The following CDKL4 variants were observed in gnomAD, a reference collection of about 807,000 sequenced individuals.
The protein encoded by CDKL4 is cyclin dependent kinase like 4, also known as cyclin-dependent kinase-like 4.
A neutral mutation model predicts 42.0 loss-of-function variants in CDKL4; 44 were observed. The observed-to-expected ratio is 1.05, with a 90% confidence interval of 0.82 to 1.35. The LOEUF (loss-of-function observed/expected upper bound fraction) is 1.35, where lower values mean the gene tolerates loss of function less well. CDKL4 is among the 40% of genes most tolerant of loss of function. The pLI, the probability that CDKL4 is intolerant of heterozygous loss-of-function variation, is 0.00. For synonymous variants in CDKL4, 120 were observed against 121.6 expected (o/e 0.99, Z 0.09); for missense variants, 393 against 369.9 (o/e 1.06, Z -0.51).
chr2:39,202,860 C>G (rs1458960799), intron 5 of CDKL4, among the ~76,000 whole-genome samples: 2 of 152,158 alleles, frequency 1.3e-5, no homozygotes, highest in Non-Finnish European at 2.9e-5. Context: ...AACAATGACC[C>G]CAGCAATGAC....
At chr2:39,244,912 G>C (rs930292161), upstream of CDKL4, among the ~76,000 whole-genome samples, 13 of 152,088 alleles carry the variant, frequency 8.5e-5, no homozygotes, top group African/African-American at 3.1e-4. Context: ...CTCTGGTGGG[G>C]CCTTGGAGAA....
chr2:39,176,481 C>A (rs1259388323), intron 9 of CDKL4, among the ~76,000 whole-genome samples: 1 of 152,210 alleles, frequency 6.6e-6, no homozygotes, highest in African/African-American at 2.4e-5. Flanking sequence ...GTTGCCCAGG[C>A]TGGAGTGCAA....
chr2:39,186,093 C>T (rs1029929716), intron 7 of CDKL4, among the ~76,000 whole-genome samples: 1 of 152,142 alleles, frequency 6.6e-6, no homozygotes, highest in African/African-American at 2.4e-5. Flanking sequence ...TGGTGGGAAA[C>T]TTAAGACACT....
intron 1 of CDKL4, among the ~76,000 whole-genome samples, chr2:39,237,810 G>A (rs1009091834): frequency 9.2e-5 from 14 of 152,134 alleles, no homozygotes; most frequent in Admixed American, 2.6e-4. Context: ...ACAGAAAATC[G>A]TAATGAATCT....
chr2:39,240,781 G>A (rs537431849), intron 1 of CDKL4, among the ~76,000 whole-genome samples: 7 of 151,922 alleles, frequency 4.6e-5, no homozygotes, highest in Non-Finnish European at 1.0e-4. Flanking sequence ...TTCCATTACA[G>A]GAAATTTCTA....
chr2:39,208,046 G>C (rs1677315083), intron 4 of CDKL4, among the ~76,000 whole-genome samples: 1 of 152,114 alleles, frequency 6.6e-6, no homozygotes, highest in South Asian at 2.1e-4. Context: ...AGGTTGCAGT[G>C]AGCTGTAGTT....
chr2:39,244,200 G>A (rs1015222505), upstream of CDKL4, among the ~76,000 whole-genome samples: 12 of 152,226 alleles, frequency 7.9e-5, no homozygotes, highest in African/African-American at 2.9e-4. Context: ...TCAGCCCACC[G>A]CTGCACTGTG....
chr2:39,243,737 G>A (rs1405281317), intron 1 of CDKL4, among the ~76,000 whole-genome samples, 134 bp downstream of exon 1: 1 of 152,228 alleles, frequency 6.6e-6, no homozygotes, highest in Non-Finnish European at 1.5e-5. Context: ...GAAGCGGAAG[G>A]CGGTCCCGCT....
At chr2:39,171,154 G>A (rs977856307), downstream of CDKL4, among the ~76,000 whole-genome samples, 14 of 151,710 alleles carry the variant, frequency 9.2e-5, no homozygotes, top group African/African-American at 2.4e-4. Flanking sequence ...CAGGAGGATC[G>A]CTTGAACATG....
chr2:39,181,557 G>A (rs1428737565), intron 8 of CDKL4, among the ~76,000 whole-genome samples: 1 of 148,256 alleles, frequency 6.7e-6, no homozygotes, highest in African/African-American at 2.7e-5. Context: ...GTATGTTGAA[G>A]TTCTAACTCC....
chr2:39,180,377 C>A (rs1273044345), intron 8 of CDKL4, among the ~76,000 whole-genome samples: 1 of 152,244 alleles, frequency 6.6e-6, no homozygotes, highest in Non-Finnish European at 1.5e-5. Flanking sequence ...GAGGCTGCCC[C>A]AGCCGGGCAC....
chr2:39,225,535 T>C (rs1558579538), intron 3 of CDKL4, among the ~76,000 whole-genome samples: 1 of 152,228 alleles, frequency 6.6e-6, no homozygotes, highest in Non-Finnish European at 1.5e-5. Context: ...TATTAGTGAA[T>C]TATATGAATA....
At chr2:39,170,835 A>T (rs554963509), downstream of CDKL4, among the ~76,000 whole-genome samples, 34 of 151,884 alleles carry the variant, frequency 2.2e-4, no homozygotes, top group Middle Eastern at 3.4e-3. Context: ...TTAAAAAAAA[A>T]TTTTTTTTTG....
At chr2:39,173,586 G>A (rs1675057469), downstream of CDKL4, among the ~76,000 whole-genome samples, 1 of 152,144 alleles carries the variant, frequency 6.6e-6, no homozygotes, top group Admixed American at 6.5e-5. Flanking sequence ...GAGATGGGCG[G>A]ATCACGAGGT....
intron 4 of CDKL4, among the ~76,000 whole-genome samples, chr2:39,209,973 G>T (rs893726391): frequency 1.3e-5 from 2 of 152,118 alleles, no homozygotes; most frequent in Admixed American, 1.3e-4. Flanking sequence ...CATCTTGGAG[G>T]AGGGAAGTTA....
chr2:39,181,194 G>C (rs1175703983), intron 8 of CDKL4, among the ~76,000 whole-genome samples: 1 of 152,072 alleles, frequency 6.6e-6, no homozygotes, highest in Non-Finnish European at 1.5e-5. Flanking sequence ...TTGAAACTTT[G>C]TTTCTCTTTG....
intron 3 of CDKL4, among the ~76,000 whole-genome samples, chr2:39,225,508 C>A (rs756196564): frequency 6.6e-6 from 1 of 151,786 alleles, no homozygotes; most frequent in South Asian, 2.1e-4. Flanking sequence ...ATTTATCAAT[C>A]GTACATTTTT....
rs1678976732 is a variant in CDKL4, at chr2:39,229,724, T to C, written c.-56-136A>G. ...GGAAATCCACTTAAAAATATTTGGA[T>C]ATTATTTTGTTAGTTTAGTTTAGTC... On this transcript the variant is annotated intron_variant, in intron 1 of 9. Coordinates refer to ENST00000451199, the Ensembl canonical transcript of CDKL4. 22 of 452,414 alleles carry C rather than the reference T, an allele frequency of 4.9e-5. No individual in the cohort carries two copies. In the South Asian group the frequency reaches 1.0e-3, roughly 21 times the overall value. The allele number at this position is 452,414 out of a possible 1,614,324, so 28.0% of individuals were successfully genotyped here. A position where few individuals can be genotyped will look rare whatever the true frequency, so the allele number is the denominator to read the frequency against.
chr2:39,206,580 G>T (rs777657314), intron 4 of CDKL4, among the ~76,000 whole-genome samples: 3 of 152,186 alleles, frequency 2.0e-5, no homozygotes, highest in Non-Finnish European at 4.4e-5. Context: ...AAACAGCTCA[G>T]ACCGTACCCT....
Sources: allele counts gnomAD v4.1 joint callset (sites outside exome capture counted in the v4.1 genomes callset), GRCh38; gene constraint gnomAD v4.1.1; transcripts MANE v1.5; gene names NCBI Gene and HGNC (gene_info 2026-07-23, HGNC 2026-07-21).